XKR6: variants seen among roughly 807,000 people sequenced by gnomAD.
XKR6 encodes the protein XK related 6, also known as XK-related protein 6.
Under a neutral mutation model 56.7 loss-of-function variants are expected in XKR6, and 22 were observed. The ratio of observed to expected loss-of-function variants is 0.39; its 90% CI spans 0.28 to 0.55. XKR6 has a LOEUF of 0.55. Among genes scored for constraint, XKR6 ranks in the 20% least tolerant of loss-of-function variants. XKR6 has a pLI of 0.66. For synonymous variants in XKR6, 524 were observed against 387.8 expected (o/e 1.35, Z -4.13); for missense variants, 852 against 889.0 (o/e 0.96, Z 0.53).
chr8:11,186,482 T>A (rs1206290287), intron 1 of XKR6, among the ~76,000 whole-genome samples: 1 of 152,180 alleles, frequency 6.6e-6, no homozygotes, highest in East Asian at 1.9e-4. Flanking sequence ...GCTCAAGTAG[T>A]CTTCCCATCT....
intron 1 of XKR6, among the ~76,000 whole-genome samples, chr8:11,143,314 G>C (rs1435212231): frequency 6.6e-6 from 1 of 152,086 alleles, no homozygotes; most frequent in Non-Finnish European, 1.5e-5. Context: ...GTCCAGCCTG[G>C]GTGACATGGC....
intron 1 of XKR6, among the ~76,000 whole-genome samples, chr8:10,998,266 T>A (rs1798159942): frequency 1.3e-5 from 2 of 150,722 alleles, no homozygotes; most frequent in Admixed American, 6.6e-5. Flanking sequence ...AAGGAGTGGC[T>A]ACACACACAC....
At chr8:11,015,869 T>C (rs1798607537) in intron 1 of XKR6, among the ~76,000 whole-genome samples, 2 of 152,132 alleles carry the variant, frequency 1.3e-5, no homozygotes, top group South Asian at 4.1e-4. Context: ...GGAAGTGCTG[T>C]GCCCGAGGCG....
At chr8:11,024,788 G>C (rs149236495) in intron 1 of XKR6, among the ~76,000 whole-genome samples, 1 of 152,372 alleles carries the variant, frequency 6.6e-6, no homozygotes, top group East Asian at 1.9e-4. Context: ...CTTAAAGACA[G>C]TGCAGACTAG....
chr8:10,901,562 C>T (rs1800036912), intron 2 of XKR6, among the ~76,000 whole-genome samples: 2 of 152,334 alleles, frequency 1.3e-5, no homozygotes, highest in African/African-American at 4.8e-5. Context: ...GACATCCTTG[C>T]TCTCCAGCTG....
At chr8:11,138,078 T>A (rs1013437522) in intron 1 of XKR6, 1 of 192,244 alleles carries the variant, frequency 5.2e-6, no homozygotes, top group African/African-American at 2.4e-5. Context: ...TTAGGGAGAA[T>A]GCTTGCCTCT....
At chr8:11,015,647 G>A (rs1339356261) in intron 1 of XKR6, among the ~76,000 whole-genome samples, 2 of 152,170 alleles carry the variant, frequency 1.3e-5, no homozygotes, top group East Asian at 3.9e-4. Context: ...GCTGCGTTCG[G>A]GACCCAGCGC....
At chr8:11,033,438 G>A (rs985995691) in intron 1 of XKR6, among the ~76,000 whole-genome samples, 1 of 151,910 alleles carries the variant, frequency 6.6e-6, no homozygotes, top group African/African-American at 2.4e-5. Context: ...TGGTGATGAT[G>A]ATGGTCGTAA....
At chr8:11,135,963 A>T (rs1199920654) in intron 1 of XKR6, among the ~76,000 whole-genome samples, 2 of 152,228 alleles carry the variant, frequency 1.3e-5, no homozygotes, top group African/African-American at 4.8e-5. Context: ...TATATTGTTT[A>T]TATAACTCAA....
intron 1 of XKR6, among the ~76,000 whole-genome samples, chr8:11,087,666 GA>G (rs1275753088): frequency 6.6e-6 from 1 of 152,200 alleles, no homozygotes; most frequent in African/African-American, 2.4e-5. Context: ...CAAAAAGATG[GA>G]GGGAACCTGG....
chr8:11,111,838 T>G (rs1798911878), intron 1 of XKR6: 1 of 152,112 alleles, frequency 6.6e-6, no homozygotes, highest in Non-Finnish European at 1.5e-5. Flanking sequence ...GTCCAATATA[T>G]TGAACTTAGG....
chr8:11,165,469 T>C (rs1392191646), intron 1 of XKR6, among the ~76,000 whole-genome samples: 1 of 152,102 alleles, frequency 6.6e-6, no homozygotes, highest in Non-Finnish European at 1.5e-5. Context: ...AACCAAATGA[T>C]ATTTCCAGTT....
Position 10,897,677 on chromosome 8 carries a change from A to G in XKR6, c.*275T>C, listed in dbSNP as rs916008058. On this transcript the variant is annotated 3_prime_UTR_variant, in exon 3 of 3. Coordinates refer to ENST00000416569, the MANE Select transcript of XKR6 (RefSeq NM_173683.4). ...GTGGGATTTTTCAATACTGTTTCTTATGTGTAAAAAACAAAAGAAAGGTTT... is the reference window on the plus strand; with the variant it reads ...GTGGGATTTTTCAATACTGTTTCTTGTGTGTAAAAAACAAAAGAAAGGTTT... 3 of 334,872 alleles carry G rather than the reference A, an allele frequency of 9.0e-6. No individual in the cohort carries two copies. The highest frequency in any genetic ancestry group is 1.6e-3 in the Middle Eastern group (2 of 1,228). The allele number at this position is 334,872 out of a possible 1,614,324, so 20.7% of individuals were successfully genotyped here.
At chr8:11,034,038 A>T (rs1799076743) in intron 1 of XKR6, among the ~76,000 whole-genome samples, 1 of 152,212 alleles carries the variant, frequency 6.6e-6, no homozygotes, top group African/African-American at 2.4e-5. Flanking sequence ...AGTCAACCTT[A>T]TGTGTTAAGT....
chr8:10,902,918 T>C (rs980183770), intron 2 of XKR6, among the ~76,000 whole-genome samples: 2 of 152,122 alleles, frequency 1.3e-5, no homozygotes, highest in African/African-American at 4.8e-5. Context: ...ACCAAAGTAT[T>C]CCCCATTCTA....
In XKR6 at chr8:10,984,732, C is replaced by CTCTCTATATATATATATATA; in HGVS notation, c.765-59903_765-59902insTATATATATATATATAGAGA. On this transcript the variant is annotated intron_variant, in intron 1 of 2. Transcript: ENST00000416569. The stretch of plus-strand genomic sequence containing the variant: ...TCTCTCTCTCTCTCTCTCTCTCTCT[C>CTCTCTATATATATATATATA]TATATATATATATATATATATATAT... Among the ~76,000 whole-genome samples, 47 of 47,466 alleles carry CTCTCTATATATATATATATA rather than the reference C, an allele frequency of 9.9e-4. 1 individual carries two copies. Among genetic ancestry groups the CTCTCTATATATATATATATA allele is most frequent in the Non-Finnish European group, 1.4e-3 (33 of 23,778 alleles). The allele number at this position is 47,466 out of a possible 152,430, so 31.1% of individuals were successfully genotyped here.
chr8:11,174,468 A>T (rs1802554403), intron 1 of XKR6, among the ~76,000 whole-genome samples: 1 of 152,202 alleles, frequency 6.6e-6, no homozygotes, highest in Non-Finnish European at 1.5e-5. Flanking sequence ...CGACTCCAAC[A>T]CTGGGAGCTG....
At chr8:11,163,360 T>A (rs1374903371) in intron 1 of XKR6, among the ~76,000 whole-genome samples, 1 of 152,182 alleles carries the variant, frequency 6.6e-6, no homozygotes, top group Non-Finnish European at 1.5e-5. Flanking sequence ...ATGATTACTG[T>A]TGCAGGGAAA....
intron 1 of XKR6, chr8:11,128,962 T>C (rs1259331615): frequency 2.2e-6 from 1 of 456,608 alleles, no homozygotes; most frequent in African/African-American, 2.0e-5. Context: ...AGTCTTTTTT[T>C]CAAAAGAATT....
Sources: gnomAD v4.1 joint callset for allele counts (sites outside exome capture counted in the v4.1 genomes callset) on GRCh38, gnomAD v4.1.1 for gene constraint, MANE v1.5 for transcripts, NCBI Gene and HGNC (gene_info 2026-07-23, HGNC 2026-07-21) for gene names.